The following ARID5B variants were observed in gnomAD, a reference collection of about 807,000 sequenced individuals.
ARID5B encodes AT-rich interactive domain-containing protein 5B.
ARID5B carries 13 observed loss-of-function variants against 97.2 expected under a neutral mutation model. That is an observed-to-expected ratio of 0.13 (90% CI 0.09 to 0.21). ARID5B has a LOEUF of 0.21. Among genes scored for constraint, ARID5B ranks in the 10% least tolerant of loss-of-function variants. The pLI is 1.00. For missense variants in ARID5B, 1,210 were observed against 1,465.3 expected (o/e 0.83, Z 2.84); for synonymous variants, 556 against 570.3 (o/e 0.97, Z 0.36).
At chr10:61,944,183 T>TAA (rs555016733) in intron 3 of ARID5B, among the ~76,000 whole-genome samples, 1 of 147,224 alleles carries the variant, frequency 6.8e-6, no homozygotes, top group African/African-American at 2.5e-5. Flanking sequence ...CTGAAGTTTA[T>TAA]AAAAAAAAAA....
intron 8 of ARID5B, among the ~76,000 whole-genome samples, chr10:62,081,078 C>T (rs971676428): frequency 6.6e-6 from 1 of 152,190 alleles, no homozygotes; most frequent in Non-Finnish European, 1.5e-5. Context: ...GCTGGGATTA[C>T]AGGCGTGAGC....
At chr10:61,907,277 TAGAC>T (rs1843723431) in intron 2 of ARID5B, among the ~76,000 whole-genome samples, 2 of 152,260 alleles carry the variant, frequency 1.3e-5, no homozygotes, top group Non-Finnish European at 2.9e-5. Context: ...TATCTGGAGT[TAGAC>T]AGACACATTC....
At chr10:62,008,518 GA>G (rs1397876928) in intron 4 of ARID5B, among the ~76,000 whole-genome samples, 1 of 152,220 alleles carries the variant, frequency 6.6e-6, no homozygotes, top group African/African-American at 2.4e-5. Flanking sequence ...GGCGTGTTGG[GA>G]AGTGGTTAGG....
intron 4 of ARID5B, among the ~76,000 whole-genome samples, chr10:62,030,021 C>A (rs1021313929): frequency 2.6e-5 from 4 of 152,090 alleles, no homozygotes; most frequent in Non-Finnish European, 5.9e-5. Flanking sequence ...TTATTGGGTT[C>A]TAAAGCTAGA....
chr10:62,012,669 C>T (rs771043622), intron 4 of ARID5B, among the ~76,000 whole-genome samples: 20 of 152,204 alleles, frequency 1.3e-4, no homozygotes, highest in Non-Finnish European at 2.1e-4. Flanking sequence ...AAACATCATC[C>T]GCCATCTCAT....
chr10:62,051,934 A>G (rs1015003825), intron 5 of ARID5B, among the ~76,000 whole-genome samples: 2 of 152,166 alleles, frequency 1.3e-5, no homozygotes, highest in Non-Finnish European at 2.9e-5. Flanking sequence ...AAAAAAAAAA[A>G]CATGAGTTAA....
At chr10:62,037,813 T>C (rs1444329250) in intron 4 of ARID5B, among the ~76,000 whole-genome samples, 2 of 152,256 alleles carry the variant, frequency 1.3e-5, no homozygotes, top group Non-Finnish European at 2.9e-5. Flanking sequence ...TTTAATTTTA[T>C]AGTAAAATTA....
chr10:62,067,289 G>T (rs1413654384), intron 7 of ARID5B, among the ~76,000 whole-genome samples: 1 of 152,136 alleles, frequency 6.6e-6, no homozygotes, highest in Non-Finnish European at 1.5e-5. Context: ...CTCCATGTTG[G>T]TCAGGCTGGT....
At chr10:61,963,027 T>C (rs937139380) in intron 3 of ARID5B, among the ~76,000 whole-genome samples, 4 of 152,096 alleles carry the variant, frequency 2.6e-5, no homozygotes, top group Non-Finnish European at 5.9e-5. Flanking sequence ...GTGTGATTGG[T>C]GTTTTGTCAA....
chr10:61,969,780 G>A (rs1403029846), intron 3 of ARID5B, among the ~76,000 whole-genome samples: 1 of 152,136 alleles, frequency 6.6e-6, no homozygotes, highest in Non-Finnish European at 1.5e-5. Context: ...TCCTCACTCA[G>A]TCTACTAGGT....
intron 2 of ARID5B, among the ~76,000 whole-genome samples, chr10:61,932,414 T>TTTTTC (rs1491445353): frequency 2.4e-5 from 3 of 126,442 alleles, no homozygotes; most frequent in East Asian, 8.9e-4. Context: ...TTTCTTTTTC[T>TTTTTC]TTTTTTTTTT....
chr10:62,015,821 G>T (rs568306136), intron 4 of ARID5B, among the ~76,000 whole-genome samples: 1 of 152,062 alleles, frequency 6.6e-6, no homozygotes, highest in African/African-American at 2.4e-5. Context: ...ATGGGGTTTC[G>T]CTACAGTGGC....
chr10:61,982,569 T>G (rs1407892936), intron 3 of ARID5B, among the ~76,000 whole-genome samples: 1 of 152,236 alleles, frequency 6.6e-6, no homozygotes, highest in Non-Finnish European at 1.5e-5. Flanking sequence ...AGAAAAGTAG[T>G]CTCTTCATCG....
At chr10:61,915,540 G>A (rs1365115079) in intron 2 of ARID5B, among the ~76,000 whole-genome samples, 1 of 152,190 alleles carries the variant, frequency 6.6e-6, no homozygotes, top group African/African-American at 2.4e-5. Flanking sequence ...TTTCTGGGCT[G>A]GGCTTGGCCT....
At chr10:61,915,152 C>T (rs756043287) in intron 2 of ARID5B, among the ~76,000 whole-genome samples, 5 of 152,252 alleles carry the variant, frequency 3.3e-5, no homozygotes, top group Middle Eastern at 3.4e-3. Context: ...CTCCACATAG[C>T]GCCTTTCTCA....
intron 3 of ARID5B, among the ~76,000 whole-genome samples, chr10:61,947,777 C>T (rs906654092): frequency 6.6e-6 from 1 of 152,112 alleles, no homozygotes; most frequent in Non-Finnish European, 1.5e-5. Flanking sequence ...CTTGGCTATT[C>T]CTGCTAGAAA....
At chr10:62,067,575 C>A (rs1255854928) in intron 7 of ARID5B, among the ~76,000 whole-genome samples, 2 of 152,246 alleles carry the variant, frequency 1.3e-5, no homozygotes, top group African/African-American at 4.8e-5. Flanking sequence ...CCCACAGTTA[C>A]CTGCCTCATT....
intron 3 of ARID5B, among the ~76,000 whole-genome samples, chr10:61,964,491 C>T (rs972275431): frequency 3.9e-5 from 6 of 152,146 alleles, no homozygotes; most frequent in Admixed American, 1.3e-4. Flanking sequence ...CTTCAAAATG[C>T]ACCAACTAAA....
chr10:62,016,645 C>T (rs1437813957), intron 4 of ARID5B, among the ~76,000 whole-genome samples: 1 of 152,198 alleles, frequency 6.6e-6, no homozygotes, highest in Non-Finnish European at 1.5e-5. Flanking sequence ...CCTATACTAA[C>T]AGACCATGTG....
Sources: gnomAD v4.1 joint callset for allele counts (sites outside exome capture counted in the v4.1 genomes callset) on GRCh38, gnomAD v4.1.1 for gene constraint, MANE v1.5 for transcripts, NCBI Gene and HGNC (gene_info 2026-07-23, HGNC 2026-07-21) for gene names.